SUPT20H: variants seen among roughly 807,000 people sequenced by gnomAD.
SUPT20H encodes the protein SPT20 homolog, SAGA complex component, also known as transcription factor SPT20 homolog.
SUPT20H carries 82 observed loss-of-function variants against 122.8 expected under a neutral mutation model. The observed-to-expected ratio is 0.67, with a 90% CI of 0.56 to 0.80. The LOEUF is 0.80. Ranked by LOEUF, SUPT20H falls within the 30% of genes least tolerant of loss-of-function variation. The pLI is 0.00. For missense variants in SUPT20H, 831 were observed against 921.6 expected, an observed-to-expected ratio of 0.90 and a Z score of 1.27; for synonymous variants, 291 against 313.0, an observed-to-expected ratio of 0.93 and a Z score of 0.74.
In SUPT20H at chr13:37,009,774, T is replaced by C. The variant is rs999543827; in HGVS notation, c.2238A>G (p.Ala746=). The C allele has an allele frequency of 1.9e-6, 3 of 1,612,884 alleles. No homozygotes were observed. The highest frequency in any genetic ancestry group is 1.7e-6 in the Non-Finnish European group (2 of 1,179,738). The change falls in exon 26 of 26, where the codon GCA becomes GCG. Residue 746 remains alanine, a synonymous_variant. Transcript: ENST00000350612. ...LRFLQHQMAM[A]AAAAQTAQLH... is the part of the protein sequence containing the mutation. ...GCTGAGCTGTTTGTGCTGCTGCTGCTGCCATAGCCATTTGATGCTGCAAGA... is the reference window on the plus strand; with the variant it reads ...GCTGAGCTGTTTGTGCTGCTGCTGCCGCCATAGCCATTTGATGCTGCAAGA...
intron 13 of SUPT20H, among the ~76,000 whole-genome samples, chr13:37,029,424 G>A (rs937073532): frequency 1.3e-5 from 2 of 152,102 alleles, no homozygotes; most frequent in African/African-American, 4.8e-5. Context: ...AGCTACTCAG[G>A]AGGCTGAGGC....
At chr13:37,019,936 C>T (rs1484266223) in intron 21 of SUPT20H, among the ~76,000 whole-genome samples, 1 of 152,006 alleles carries the variant, frequency 6.6e-6, no homozygotes, top group Non-Finnish European at 1.5e-5. Flanking sequence ...AAACTTATTC[C>T]TAAAAAATCT....
rs752657804 is a variant in SUPT20H at position 37,019,335 on chromosome 13, G to A, written c.1872+7C>T. 1 of 1,587,688 alleles carries A rather than the reference G, an allele frequency of 6.3e-7. No individual in the cohort carries two copies. Among genetic ancestry groups the A allele is most frequent in the African/African-American group, 1.4e-5 (1 of 73,208 alleles). ...AAATTTAATCAAAAGCAGTATTTCA[G>A]GTTTACCTGGAGTAGATTTAAGGGC... is the stretch of plus-strand genomic sequence containing the variant. On this transcript the variant is annotated splice_region_variant and intron_variant, in intron 22 of 25. Transcript: ENST00000350612.
intron 7 of SUPT20H, 35 bp downstream of exon 7, chr13:37,044,043 A>T: frequency 7.1e-7 from 1 of 1,400,446 alleles, no homozygotes; most frequent in Non-Finnish European, 1.0e-6. Context: ...ACATATAACA[A>T]ATATAAAGAC....
intron 22 of SUPT20H, among the ~76,000 whole-genome samples, chr13:37,018,223 T>C (rs954998768): frequency 6.6e-6 from 1 of 152,180 alleles, no homozygotes; most frequent in Admixed American, 6.5e-5. Flanking sequence ...AAATGTTCCT[T>C]CCTCAATCAG....
chr13:37,052,948 AATGC>A (rs2068070789), intron 1 of SUPT20H, among the ~76,000 whole-genome samples: 1 of 152,230 alleles, frequency 6.6e-6, no homozygotes, highest in Admixed American at 6.5e-5. Context: ...TCATTAGAGA[AATGC>A]AAATCAAAAC....
chr13:37,025,400 C>T lies in SUPT20H; in HGVS notation c.1249G>A (p.Ala417Thr), dbSNP rs2062075416. The T allele has an allele frequency of 1.2e-6, 2 of 1,613,840 alleles. No individual in the cohort carries two copies. The highest frequency in any genetic ancestry group is 1.7e-6 in the Non-Finnish European group (2 of 1,179,828). The change falls in exon 17 of 26, where the codon GCC (alanine) becomes ACC (threonine). Residue 417 changes from alanine (A) to threonine (T), a missense_variant. By Grantham distance (58) the Ala-to-Thr change is moderately conservative (BLOSUM62 0). Transcript: ENST00000350612. ...NQYQELVQNE[A>T]KCPVKMSHSS... ...TGTGACATCTTGACCGGACATTTGGCTTCATTCTGGACTAATTCTTGGTAC... is the reference window on the plus strand; with the variant it reads ...TGTGACATCTTGACCGGACATTTGGTTTCATTCTGGACTAATTCTTGGTAC...
intron 3 of SUPT20H, among the ~76,000 whole-genome samples, chr13:37,048,206 A>G (rs2066890985): frequency 6.6e-6 from 1 of 152,218 alleles, no homozygotes; most frequent in Admixed American, 6.5e-5. Context: ...TATTATCAAT[A>G]TATTTTATGG....
chr13:37,053,844 A>AG (rs1349554204), intron 1 of SUPT20H, among the ~76,000 whole-genome samples: 6 of 152,178 alleles, frequency 3.9e-5, no homozygotes, highest in Admixed American at 3.9e-4. Flanking sequence ...GTTTTTTGAA[A>AG]GATCAACAAA....
At chr13:37,018,155 G>A (rs1004617780) in intron 22 of SUPT20H, among the ~76,000 whole-genome samples, 1 of 152,048 alleles carries the variant, frequency 6.6e-6, no homozygotes, top group Non-Finnish European at 1.5e-5. Flanking sequence ...TTGGGTCAAA[G>A]TATCTATCTA....
intron 21 of SUPT20H, 105 bp from the exon 22 acceptor site, chr13:37,019,502 C>A: frequency 1.6e-6 from 1 of 643,794 alleles, no homozygotes; most frequent in South Asian, 3.6e-5. Context: ...GTATTCTCTG[C>A]ATAGATGTGC....
intron 5 of SUPT20H, among the ~76,000 whole-genome samples, chr13:37,046,393 T>G (rs2066436029): frequency 6.6e-6 from 1 of 152,178 alleles, no homozygotes; most frequent in Non-Finnish European, 1.5e-5. Context: ...ACCACAGAGT[T>G]GATCCCATTT....
At chr13:37,011,786 CTT>C (rs2059674666) in intron 24 of SUPT20H, among the ~76,000 whole-genome samples, 1 of 152,006 alleles carries the variant, frequency 6.6e-6, no homozygotes. Flanking sequence ...ACCATTAAGA[CTT>C]AAGTCATTTA....
chr13:37,044,024 A>G, intron 7 of SUPT20H, 54 bp downstream of exon 7: 2 of 1,086,044 alleles, frequency 1.8e-6, no homozygotes, highest in Non-Finnish European at 2.7e-6. Flanking sequence ...TGACATATAT[A>G]TATCATATAC....
intron 1 of SUPT20H, among the ~76,000 whole-genome samples, chr13:37,057,794 C>A (rs1016372667): frequency 8.6e-5 from 13 of 151,492 alleles, no homozygotes; most frequent in African/African-American, 3.2e-4. Context: ...GACAACATGG[C>A]GAAACCCCGT....
rs776108977 is a variant in SUPT20H, at chr13:37,012,263, G to T, written c.2027C>A (p.Ala676Asp). 5.0e-6 allele frequency: 8 copies of T among 1,613,242 alleles called. No individual in the cohort carries two copies. Among genetic ancestry groups the T allele is most frequent in the South Asian group, 1.1e-5 (1 of 91,058 alleles). Residue 676 changes from alanine (A) to aspartate (D), a missense_variant, in exon 24 of 26, where the codon GCC (alanine) becomes GAC (aspartate). Physicochemically the swap from Ala to Asp is moderately radical, Grantham distance 126 (BLOSUM62 -2). Transcript: ENST00000350612. ...AACAGCAGCTTGCTGAGCAGATAAGGCCTGTTCTTGACTGGTTGAACCTTG... is the reference window on the plus strand; with the variant it reads ...AACAGCAGCTTGCTGAGCAGATAAGTCCTGTTCTTGACTGGTTGAACCTTG... ...SEQGSTSQEQ[A>D]LSAQQAAVIN...
In SUPT20H at chr13:37,026,185, G is replaced by T; in HGVS notation, c.1211+19C>A. 6.4e-7 allele frequency: 1 copy of T among 1,558,022 alleles called. No homozygotes were observed. Among genetic ancestry groups the T allele is most frequent in the South Asian group, 1.2e-5 (1 of 83,458 alleles). Reference sequence around the variant, plus strand: ...TTCATATCCATCCTGACCAAAATAAGAGATGCAAATATTTTTACCTCTCAG... The same window carrying T: ...TTCATATCCATCCTGACCAAAATAATAGATGCAAATATTTTTACCTCTCAG... On this transcript the variant is annotated intron_variant, in intron 16 of 25. Coordinates refer to ENST00000350612, the MANE Select transcript of SUPT20H (RefSeq NM_001014286.3).
Position 37,010,590 on chromosome 13 carries a change from G to T in SUPT20H, c.2164C>A (p.Leu722Ile). 6.2e-7 allele frequency: 1 copy of T among 1,613,948 alleles called. No individual in the cohort carries two copies. Among genetic ancestry groups the T allele is most frequent in the Non-Finnish European group, 8.5e-7 (1 of 1,179,898 alleles). The change falls in exon 25 of 26, where the codon CTC becomes ATC. Residue 722 changes from leucine (L) to isoleucine (I), a missense_variant. By Grantham distance (5) the Leu-to-Ile change is conservative (BLOSUM62 2). Transcript: ENST00000350612. ...EQSLPQQRFQLSSAFQQQQQQ... is the reference protein window; with the variant it reads ...EQSLPQQRFQISSAFQQQQQQ... ...TGCTGCTGTTGAAAGGCAGAGGAGA[G>T]CTGGAATCTCTGCTGAGGAAGGCTT...
intron 3 of SUPT20H, 99 bp from the exon 4 acceptor site, chr13:37,048,035 A>T (rs1466598213): frequency 1.3e-6 from 1 of 767,568 alleles, no homozygotes; most frequent in Non-Finnish European, 2.0e-6. Flanking sequence ...TAAAAAGGCT[A>T]TTCACTTAAC....
Sources: allele counts gnomAD v4.1 joint callset (sites outside exome capture counted in the v4.1 genomes callset), GRCh38; gene constraint gnomAD v4.1.1; transcripts MANE v1.5; gene names NCBI Gene and HGNC (gene_info 2026-07-23, HGNC 2026-07-21).